WDR47: variants seen among roughly 807,000 people sequenced by gnomAD.
The protein encoded by WDR47 is WD repeat-containing protein 47.
In WDR47, 32 loss-of-function variants were observed where a neutral mutation model predicts 97.2. The observed-to-expected ratio is 0.33, with a 90% confidence interval of 0.25 to 0.44. WDR47 has a LOEUF of 0.44. Ranked by LOEUF, WDR47 falls within the 20% of genes least tolerant of loss-of-function variation. The probability of loss-of-function intolerance (pLI) is 1.00; values close to 1 mark genes in which losing one functional copy is unlikely to be tolerated. For missense variants in WDR47, 782 were observed against 1,102.3 expected (o/e 0.71, Z 4.11); for synonymous variants, 375 against 373.5 (o/e 1.00, Z -0.05).
At chr1:108,987,083 C>A in intron 9 of WDR47, 2 of 187,572 alleles carry the variant, frequency 1.1e-5, no homozygotes, top group South Asian at 2.6e-4. Flanking sequence ...TTTGCAAAGT[C>A]ACCCATGTTT....
intron 2 of WDR47, among the ~76,000 whole-genome samples, chr1:109,018,265 A>G (rs1661564170): frequency 6.6e-6 from 1 of 151,666 alleles, no homozygotes; most frequent in South Asian, 2.1e-4. Context: ...CCTGCCCAAC[A>G]TGGCGAAACC....
At chr1:109,036,643 T>C (rs1247545304) in intron 1 of WDR47, among the ~76,000 whole-genome samples, 1 of 151,522 alleles carries the variant, frequency 6.6e-6, no homozygotes, top group Non-Finnish European at 1.5e-5. Flanking sequence ...GAGACCATCC[T>C]GGCTAACACG....
Position 109,023,341 on chromosome 1 carries a change from T to C in WDR47, c.158+14A>G. On this transcript the variant is annotated intron_variant, in intron 2 of 14. Transcript: ENST00000369962. ...CGAAGGAGCTACAAACTTCACAGTA[T>C]AATGAAATCATACCTCAGGAAAAGC... 6 of 1,611,666 alleles carry C rather than the reference T, an allele frequency of 3.7e-6. No homozygotes were observed. The highest frequency in any genetic ancestry group is 5.1e-6 in the Non-Finnish European group (6 of 1,178,970).
intron 10 of WDR47, among the ~76,000 whole-genome samples, chr1:108,986,124 GA>G: frequency 6.6e-6 from 1 of 152,156 alleles, no homozygotes; most frequent in African/African-American, 2.4e-5. Flanking sequence ...GTATGAATAG[GA>G]AAAAACACAG....
In WDR47 at chr1:109,002,278, T is replaced by A; in HGVS notation, c.1379A>T (p.Asn460Ile). 6.2e-7 allele frequency: 1 copy of A among 1,612,318 alleles called. No individual in the cohort carries two copies. The highest frequency in any genetic ancestry group is 8.5e-7 in the Non-Finnish European group (1 of 1,179,786). ...CTGCTGATCAGGACCATCCTCCTGA[T>A]TCACGCCTCCTTCAAGCAACATCTG... The part of the protein sequence containing the change: ...YQQMLLEGGV[N>I]QEDGPDQQQN... Residue 460 changes from asparagine to isoleucine, a missense_variant, in exon 7 of 15, where the codon AAT becomes ATT. Transcript: ENST00000369962.
intron 2 of WDR47, among the ~76,000 whole-genome samples, chr1:109,022,385 C>T (rs879516983): frequency 6.6e-6 from 1 of 152,058 alleles, no homozygotes; most frequent in Admixed American, 6.6e-5. Context: ...ATAATGAACA[C>T]ATCTTATTTC....
chr1:108,974,524 G>A lies in WDR47; in HGVS notation c.2617+12C>T, dbSNP rs376769975. The A allele has an allele frequency of 3.5e-5, 56 of 1,609,030 alleles. No homozygotes were observed. The highest frequency in any genetic ancestry group is 5.4e-5 in the African/African-American group (4 of 74,748). On this transcript the variant is annotated intron_variant, in intron 14 of 14. Transcript: ENST00000369962. ...AGGAAAGACTAAAAACAGAGAAGTC[G>A]ATCTCAATCACCTTGTAGGTCTGTC...
intron 14 of WDR47, among the ~76,000 whole-genome samples, chr1:108,972,765 G>T (rs1657565004): frequency 6.6e-6 from 1 of 152,096 alleles, no homozygotes; most frequent in Non-Finnish European, 1.5e-5. Flanking sequence ...GGCTAACATG[G>T]TGAAACTCTG....
At position 108,975,516 on chromosome 1, in the gene WDR47, G is replaced by A. The variant is rs183641597; in HGVS notation, c.2399-762C>T. 3.9e-3 allele frequency among the ~76,000 whole-genome samples: 592 copies of A among 151,638 alleles called. 1 individual carries two copies. Among genetic ancestry groups the A allele is most frequent in the Non-Finnish European group, 5.5e-3 (376 of 67,882 alleles). On this transcript the variant is annotated intron_variant, in intron 13 of 14. Transcript: ENST00000369962. ...CGTGCCTGTAATCCCAGCTACTCAC[G>A]ATGCTGAGGCAGGAGAATCGCTTCA...
chr1:109,032,520 AAG>A (rs1491489295), intron 1 of WDR47, among the ~76,000 whole-genome samples: 1 of 89,946 alleles, frequency 1.1e-5, no homozygotes, highest in East Asian at 3.3e-4. Flanking sequence ...AAAAAAAAAA[AAG>A]ATTTTCTTAC....
At chr1:108,989,828 G>A (rs967881704) in intron 9 of WDR47, among the ~76,000 whole-genome samples, 1 of 151,666 alleles carries the variant, frequency 6.6e-6, no homozygotes, top group East Asian at 2.0e-4. Flanking sequence ...CCAAGTAGCT[G>A]GGATTACAGG....
intron 1 of WDR47, among the ~76,000 whole-genome samples, chr1:109,028,923 T>G (rs932837407): frequency 6.6e-6 from 1 of 151,950 alleles, no homozygotes; most frequent in Non-Finnish European, 1.5e-5. Flanking sequence ...TGGCCTCTGG[T>G]TAAAATCACA....
chr1:109,003,907 T>C, intron 6 of WDR47, among the ~76,000 whole-genome samples: 1 of 152,178 alleles, frequency 6.6e-6, no homozygotes, highest in East Asian at 1.9e-4. Context: ...TATTCTATAT[T>C]TAAAATGTCT....
intron 1 of WDR47, among the ~76,000 whole-genome samples, chr1:109,028,417 TTA>T (rs1263372975): frequency 8.4e-6 from 1 of 118,686 alleles, no homozygotes; most frequent in Non-Finnish European, 1.6e-5. Flanking sequence ...TTGCCCAGGC[TTA>T]GTCTGACTGC....
At chr1:108,993,395 G>C (rs1270975816) in intron 8 of WDR47, among the ~76,000 whole-genome samples, 1 of 151,586 alleles carries the variant, frequency 6.6e-6, no homozygotes, top group East Asian at 1.9e-4. Context: ...AAAACTGGAA[G>C]ATCATGTAGC....
rs1429005451 is a variant in WDR47, at chr1:109,004,696, G to C, written c.1150C>G (p.Gln384Glu). ...AAGATTTCACTGCCGATAGGCCTCT[G>C]TGCATCAACAGGTGTATCACTTCTT... ...SPERDTPVDA[Q>E]RPIGSEILGQ... is the part of the protein sequence containing the mutation. Residue 384 changes from glutamine to glutamate, a missense_variant, in exon 6 of 15, where the codon CAG (glutamine) becomes GAG (glutamate). Gln to Glu is a conservative substitution (Grantham distance 29). This residue lies in a region of WDR47 where 428 missense variants were observed against 584.3 expected (regional missense o/e 0.73). Transcript: ENST00000369962. 1.2e-6 allele frequency: 2 copies of C among 1,609,784 alleles called. No homozygotes were observed. The highest frequency in any genetic ancestry group is 8.5e-7 in the Non-Finnish European group (1 of 1,178,066).
intron 9 of WDR47, among the ~76,000 whole-genome samples, chr1:108,987,504 G>C (rs540599306): frequency 6.1e-4 from 92 of 151,776 alleles, no homozygotes; most frequent in African/African-American, 2.2e-3. Flanking sequence ...GTCTTGCTCT[G>C]TTGCCCAGGC....
At chr1:109,023,620 T>C (rs1044099847) in intron 1 of WDR47, 99 bp from the exon 2 acceptor site, 1 of 1,193,328 alleles carries the variant, frequency 8.4e-7, no homozygotes, top group Non-Finnish European at 1.2e-6. Context: ...TGGGAATCTT[T>C]AGTACACATA....
chr1:109,029,376 T>C (rs956032791), intron 1 of WDR47, among the ~76,000 whole-genome samples: 5 of 150,744 alleles, frequency 3.3e-5, no homozygotes, highest in Non-Finnish European at 5.9e-5. Context: ...TACAAACAAA[T>C]TGGCCAGGCG....
Sources: gnomAD v4.1 joint callset for allele counts (sites outside exome capture counted in the v4.1 genomes callset) on GRCh38, gnomAD v4.1.1 for gene constraint, gnomAD v4.1.1 regional missense constraint, MANE v1.5 for transcripts, NCBI Gene and HGNC (gene_info 2026-07-23, HGNC 2026-07-21) for gene names.